The following TMPRSS11F variants were observed in gnomAD, a reference collection of about 807,000 sequenced individuals.
TMPRSS11F encodes the protein transmembrane serine protease 11F.
TMPRSS11F carries 47 observed loss-of-function variants against 60.2 expected under a neutral mutation model. The ratio of observed to expected loss-of-function variants is 0.78; its 90% CI spans 0.62 to 1.00. TMPRSS11F has a LOEUF of 1.00. Among genes scored for constraint, TMPRSS11F ranks in the 50% least tolerant of loss-of-function variants. The pLI, the probability that TMPRSS11F is intolerant of heterozygous loss-of-function variation, is 0.00. For missense variants in TMPRSS11F, 519 were observed against 522.9 expected (o/e 0.99, Z 0.07); for synonymous variants, 166 against 167.3 (o/e 0.99, Z 0.06).
chr4:68,072,433 GATGGGTATCGAAAT>G lies in TMPRSS11F; in HGVS notation c.390_403del (p.Phe131TyrfsTer2). 1 of 1,587,976 alleles carries G rather than the reference GATGGGTATCGAAAT, an allele frequency of 6.3e-7. No individual in the cohort carries two copies. Among genetic ancestry groups the G allele is most frequent in the Non-Finnish European group, 8.6e-7 (1 of 1,164,386 alleles). ...CTTGATTTGTTCAGCACTATCAGTA[GATGGGTATCGAAAT>G]ATGAGCACTATAAGAATATCCACAC... On this transcript the variant is annotated frameshift_variant, in exon 5 of 10. Coordinates refer to ENST00000356291, the MANE Select transcript of TMPRSS11F (RefSeq NM_207407.2). LOFTEE classifies it high-confidence loss of function.
At chr4:68,123,747 GA>G (rs1392003180) in intron 1 of TMPRSS11F, among the ~76,000 whole-genome samples, 1 of 152,152 alleles carries the variant, frequency 6.6e-6, no homozygotes, top group Non-Finnish European at 1.5e-5. Flanking sequence ...TGCTAGAGAG[GA>G]GAGATAGATG....
intron 1 of TMPRSS11F, among the ~76,000 whole-genome samples, chr4:68,124,735 A>T (rs997827311): frequency 6.6e-5 from 10 of 151,648 alleles, no homozygotes; most frequent in African/African-American, 2.4e-4. Flanking sequence ...GTTGTTTGGC[A>T]CCTTGTAGAT....
chr4:68,067,263 A>C (rs74488627), intron 7 of TMPRSS11F, among the ~76,000 whole-genome samples: 209 of 152,306 alleles, frequency 1.4e-3, no homozygotes, highest in African/African-American at 4.9e-3. Flanking sequence ...ACTGCATCTA[A>C]TCCTCCTTCC....
rs1372256698 is a variant in TMPRSS11F at position 68,074,399 on chromosome 4, A to T, written c.283-390T>A. Among the ~76,000 whole-genome samples, 6 of 152,358 alleles carry T rather than the reference A, an allele frequency of 3.9e-5. No individual in the cohort carries two copies. In the East Asian group the frequency reaches 1.2e-3, roughly 29 times the overall value. On this transcript the variant is annotated intron_variant, in intron 3 of 9. Coordinates refer to ENST00000356291, the MANE Select transcript of TMPRSS11F (RefSeq NM_207407.2). The stretch of plus-strand genomic sequence containing the variant: ...ATTGATGATAGTTTTAAATACTGTC[A>T]AGTAAATTAAAAGTACATGCTATTT...
Position 68,104,565 on chromosome 4 carries a change from A to C in TMPRSS11F, c.12-5527T>G, listed in dbSNP as rs544600440. 3.2e-4 allele frequency among the ~76,000 whole-genome samples: 49 copies of C among 152,218 alleles called. No individual in the cohort carries two copies. In the Middle Eastern group the frequency reaches 0.01, roughly 32 times the overall value. On this transcript the variant is annotated intron_variant, in intron 1 of 9. Transcript: ENST00000356291. Reference sequence around the variant, plus strand: ...CATGCTTGCTTCACCTTCTGCCATGATTATAAGTTTCCTGAGGGCTCCCCA... The same window carrying C: ...CATGCTTGCTTCACCTTCTGCCATGCTTATAAGTTTCCTGAGGGCTCCCCA...
chr4:68,073,007 A>T (rs1723512806), intron 4 of TMPRSS11F, among the ~76,000 whole-genome samples: 1 of 152,274 alleles, frequency 6.6e-6, no homozygotes, highest in African/African-American at 2.4e-5. Flanking sequence ...CCAATGAAAT[A>T]TGGAAAGAAA....
At chr4:68,096,485 C>T (rs1180648516) in intron 2 of TMPRSS11F, among the ~76,000 whole-genome samples, 3 of 152,098 alleles carry the variant, frequency 2.0e-5, no homozygotes, top group Admixed American at 6.6e-5. Context: ...AACCTGAGAA[C>T]GTTTAAACAA....
chr4:68,059,483 G>T lies in TMPRSS11F; in HGVS notation c.1016-15C>A, dbSNP rs752142473. On this transcript the variant is annotated splice_polypyrimidine_tract_variant and intron_variant, in intron 8 of 9. Transcript: ENST00000356291. The stretch of plus-strand genomic sequence containing the variant: ...TTGTATAGGTCCTATTGCACAAATG[G>T]ATAAAAAAACAAATAAACAGTATTC... 1.2e-6 allele frequency: 2 copies of T among 1,601,084 alleles called. No homozygotes were observed. The highest frequency in any genetic ancestry group is 3.4e-5 in the Admixed American group (2 of 58,588).
chr4:68,083,091 T>G (rs568404153), intron 3 of TMPRSS11F, among the ~76,000 whole-genome samples: 32 of 152,260 alleles, frequency 2.1e-4, no homozygotes, highest in African/African-American at 7.5e-4. Context: ...TGCATACCCA[T>G]GACAACACCA....
chr4:68,124,689 G>A (rs1458099508), intron 1 of TMPRSS11F, among the ~76,000 whole-genome samples: 1 of 152,158 alleles, frequency 6.6e-6, no homozygotes, highest in Non-Finnish European at 1.5e-5. Flanking sequence ...CAATCTGTCA[G>A]TGGGCATAAG....
intron 1 of TMPRSS11F, among the ~76,000 whole-genome samples, chr4:68,111,433 G>A (rs1240096685): frequency 6.6e-6 from 1 of 152,124 alleles, no homozygotes; most frequent in African/African-American, 2.4e-5. Context: ...CTTACTAACT[G>A]TATATGCTCT....
chr4:68,067,685 C>A (rs1020913728), intron 7 of TMPRSS11F, among the ~76,000 whole-genome samples: 2 of 152,174 alleles, frequency 1.3e-5, no homozygotes, highest in Non-Finnish European at 2.9e-5. Context: ...AAGTGAGTCC[C>A]TTTTCTCTTC....
chr4:68,079,497 G>A (rs1577919384), intron 3 of TMPRSS11F, among the ~76,000 whole-genome samples: 4 of 152,238 alleles, frequency 2.6e-5, no homozygotes, highest in African/African-American at 9.6e-5. Flanking sequence ...TTCAGAGATT[G>A]TTTACTGCTT....
chr4:68,084,768 T>C (rs2109858545), intron 3 of TMPRSS11F, among the ~76,000 whole-genome samples: 1 of 151,386 alleles, frequency 6.6e-6, no homozygotes, highest in South Asian at 2.1e-4. Flanking sequence ...AGTTTTAGGG[T>C]ACATGTGCAC....
chr4:68,115,493 A>G (rs1724501309), intron 1 of TMPRSS11F, among the ~76,000 whole-genome samples: 2 of 152,282 alleles, frequency 1.3e-5, no homozygotes, highest in Admixed American at 1.3e-4. Flanking sequence ...GAATGGAGCA[A>G]GGATGTCTGC....
At position 68,063,358 on chromosome 4, in the gene TMPRSS11F, CT is replaced by C. The variant is rs373419590; in HGVS notation, c.1015+1326del. On this transcript the variant is annotated intron_variant, in intron 8 of 9. Coordinates refer to ENST00000356291, the MANE Select transcript of TMPRSS11F (RefSeq NM_207407.2). Reference sequence around the variant, plus strand: ...AAACATTCAGTTAATCTTTTTCTCTCTTTTTTTTTGTTTTCTGTTTTTGTTT... The same window carrying C: ...AAACATTCAGTTAATCTTTTTCTCTCTTTTTTTTGTTTTCTGTTTTTGTTT... The C allele has an allele frequency of 6.3e-3, 2,628 of 420,030 alleles. 39 individuals are homozygous for C. Among genetic ancestry groups the C allele is most frequent in the African/African-American group, 0.046 (2,194 of 47,898 alleles). 26.0% of individuals were successfully genotyped at this position (420,030 alleles called of 1,614,324 possible).
intron 1 of TMPRSS11F, among the ~76,000 whole-genome samples, chr4:68,104,948 T>C (rs1317607046): frequency 7.8e-6 from 1 of 127,908 alleles, no homozygotes; most frequent in Non-Finnish European, 1.7e-5. Context: ...ATCTAAGAAA[T>C]TTGCTTGTAG....
intron 3 of TMPRSS11F, among the ~76,000 whole-genome samples, chr4:68,076,521 G>A (rs1411250875): frequency 1.3e-5 from 2 of 152,112 alleles, no homozygotes; most frequent in Non-Finnish European, 2.9e-5. Context: ...AGCTCTATTG[G>A]GGTAGCTATA....
chr4:68,099,657 T>C (rs1033297071), intron 1 of TMPRSS11F, among the ~76,000 whole-genome samples: 2 of 152,212 alleles, frequency 1.3e-5, no homozygotes, highest in African/African-American at 4.8e-5. Context: ...AGATTCAATA[T>C]TGTGATATCT....
Sources: gnomAD v4.1 joint callset for allele counts (sites outside exome capture counted in the v4.1 genomes callset) on GRCh38, gnomAD v4.1.1 for gene constraint, MANE v1.5 for transcripts, NCBI Gene and HGNC (gene_info 2026-07-23, HGNC 2026-07-21) for gene names.